Variants in WWC1 observed in about 807,000 individuals in gnomAD.
The protein encoded by WWC1 is protein KIBRA.
WWC1 carries 55 observed loss-of-function variants against 138.4 expected under a neutral mutation model. The ratio of observed to expected loss-of-function variants is 0.40; its 90% CI spans 0.32 to 0.50. The LOEUF is 0.50. WWC1 is among the 20% of genes least tolerant of loss of function. WWC1 has a pLI of 0.72. For missense variants in WWC1, 1,226 were observed against 1,420.4 expected, an observed-to-expected ratio of 0.86 and a Z score of 2.20; for synonymous variants, 524 against 564.9, an observed-to-expected ratio of 0.93 and a Z score of 1.03.
At chr5:168,336,013 G>A (rs548814258) in intron 1 of WWC1, among the ~76,000 whole-genome samples, 16 of 152,128 alleles carry the variant, frequency 1.1e-4, no homozygotes, top group Non-Finnish European at 2.2e-4. Flanking sequence ...GACATTGGAC[G>A]TTGTCAGAGG....
intron 2 of WWC1, among the ~76,000 whole-genome samples, chr5:168,383,752 C>G (rs937459978): frequency 2.6e-5 from 4 of 152,226 alleles, no homozygotes; most frequent in Non-Finnish European, 4.4e-5. Context: ...GCTGGATTCA[C>G]CACATTGCCC....
chr5:168,428,901 A>G (rs775105944), intron 13 of WWC1, 114 bp downstream of exon 13: 38 of 1,061,994 alleles, frequency 3.6e-5, no homozygotes, highest in Non-Finnish European at 5.2e-5. Context: ...AGGCAGCACC[A>G]GCAGGACCTG....
chr5:168,333,237 C>A (rs1320267782), intron 1 of WWC1, among the ~76,000 whole-genome samples: 1 of 152,246 alleles, frequency 6.6e-6, no homozygotes, highest in Non-Finnish European at 1.5e-5. Flanking sequence ...AATTGACTAT[C>A]TCCTTGCCCG....
At chr5:168,378,636 G>C (rs1425042690) in intron 2 of WWC1, among the ~76,000 whole-genome samples, 1 of 152,082 alleles carries the variant, frequency 6.6e-6, no homozygotes, top group African/African-American at 2.4e-5. Flanking sequence ...GGAGCTTTTA[G>C]TATATATTGC....
chr5:168,421,029 A>T (rs1282166795), intron 9 of WWC1, among the ~76,000 whole-genome samples: 2 of 152,184 alleles, frequency 1.3e-5, no homozygotes, highest in Non-Finnish European at 2.9e-5. Context: ...TGCAAGAAAC[A>T]GCCCCCAAAG....
chr5:168,365,754 T>A (rs1159559473), intron 1 of WWC1, among the ~76,000 whole-genome samples: 1 of 152,140 alleles, frequency 6.6e-6, no homozygotes, highest in Non-Finnish European at 1.5e-5. Flanking sequence ...ATCTGGCCGT[T>A]TTTCCAGGAG....
In WWC1 at chr5:168,392,911, G is replaced by T. The variant is rs114927168; in HGVS notation, c.434-4813G>T. On this transcript the variant is annotated intron_variant, in intron 3 of 22. Transcript: ENST00000265293. ...GGAGGAAACAAGGAGTATGCATGAA[G>T]AAGAGACCGTTAAGAGAAGCTATAT... Among the ~76,000 whole-genome samples the T allele has an allele frequency of 5.1e-3, 783 of 152,180 alleles. 5 individuals are homozygous for T. Among genetic ancestry groups the T allele is most frequent in the Non-Finnish European group, 8.0e-3 (546 of 68,012 alleles).
intron 15 of WWC1, among the ~76,000 whole-genome samples, chr5:168,440,709 G>C (rs1343549428): frequency 6.6e-6 from 1 of 152,122 alleles, no homozygotes; most frequent in Non-Finnish European, 1.5e-5. Flanking sequence ...TAGAAATGGG[G>C]TTTCTCCATG....
At chr5:168,411,302 G>A (rs1298792153) in intron 8 of WWC1, among the ~76,000 whole-genome samples, 1 of 152,116 alleles carries the variant, frequency 6.6e-6, no homozygotes, top group Non-Finnish European at 1.5e-5. Context: ...GTGGATGGAA[G>A]CCAGGCACAT....
intron 1 of WWC1, among the ~76,000 whole-genome samples, chr5:168,325,264 G>C (rs187775762): frequency 1.5e-3 from 230 of 152,344 alleles, no homozygotes; most frequent in African/African-American, 4.7e-3. Flanking sequence ...GCCATGAAGA[G>C]AGCTTTCTGG....
intron 1 of WWC1, among the ~76,000 whole-genome samples, chr5:168,332,835 A>G (rs901343546): frequency 2.4e-4 from 36 of 151,842 alleles, no homozygotes; most frequent in African/African-American, 8.2e-4. Flanking sequence ...CAGTCCCCCA[A>G]GTGGCTGGGA....
chr5:168,396,089 G>GTGT (rs1443694168), intron 3 of WWC1, among the ~76,000 whole-genome samples: 8 of 152,052 alleles, frequency 5.3e-5, no homozygotes, highest in African/African-American at 1.9e-4. Flanking sequence ...ACATTAAAGA[G>GTGT]TGTTCAGATG....
At chr5:168,352,768 G>A (rs1000877929) in intron 1 of WWC1, among the ~76,000 whole-genome samples, 1 of 151,972 alleles carries the variant, frequency 6.6e-6, no homozygotes, top group Non-Finnish European at 1.5e-5. Context: ...ATGTTTAGTA[G>A]AGATGGGGTT....
chr5:168,447,809 G>T (rs897774488), intron 17 of WWC1, among the ~76,000 whole-genome samples: 1 of 144,194 alleles, frequency 6.9e-6, no homozygotes, highest in African/African-American at 2.7e-5. Context: ...CTCTCTGTCT[G>T]TTTCTCCCCA....
At chr5:168,352,306 T>C (rs570304911) in intron 1 of WWC1, among the ~76,000 whole-genome samples, 19 of 152,346 alleles carry the variant, frequency 1.2e-4, no homozygotes. Context: ...AATATTTCCT[T>C]TGCCTGGGTG....
intron 18 of WWC1, among the ~76,000 whole-genome samples, chr5:168,454,692 C>T (rs1315603953): frequency 2.0e-5 from 3 of 152,188 alleles, no homozygotes; most frequent in Non-Finnish European, 2.9e-5. Flanking sequence ...TGCCTGGACA[C>T]GGCAGGTGCA....
At chr5:168,397,504 C>T (rs181308607) in intron 3 of WWC1, among the ~76,000 whole-genome samples, 1 of 152,228 alleles carries the variant, frequency 6.6e-6, no homozygotes, top group Admixed American at 6.5e-5. Context: ...TGAGTTTCAA[C>T]ATTTTCCCTT....
intron 5 of WWC1, among the ~76,000 whole-genome samples, chr5:168,405,436 A>T (rs1054533246): frequency 6.6e-6 from 1 of 152,230 alleles, no homozygotes; most frequent in African/African-American, 2.4e-5. Flanking sequence ...TGAGACAGAC[A>T]CGTTCAACTC....
At chr5:168,298,230 G>GAATTTTA (rs1769739502) in intron 1 of WWC1, among the ~76,000 whole-genome samples, 1 of 151,962 alleles carries the variant, frequency 6.6e-6, no homozygotes, top group Non-Finnish European at 1.5e-5. Context: ...GTAGAGACAG[G>GAATTTTA]GATTCACCAT....
Sources: allele counts gnomAD v4.1 joint callset (sites outside exome capture counted in the v4.1 genomes callset), GRCh38; gene constraint gnomAD v4.1.1; transcripts MANE v1.5; gene names NCBI Gene and HGNC (gene_info 2026-07-23, HGNC 2026-07-21).